The following AIG1 variants were observed in gnomAD, a reference collection of about 807,000 sequenced individuals.
AIG1 encodes the protein androgen-induced gene 1 protein.
Under a neutral mutation model 31.4 loss-of-function variants are expected in AIG1, and 23 were observed. The ratio of observed to expected loss-of-function variants is 0.73; its 90% CI spans 0.53 to 1.04. The LOEUF (loss-of-function observed/expected upper bound fraction) is 1.04, where lower values mean the gene tolerates loss of function less well. Among genes scored for constraint, AIG1 ranks in the 50% least tolerant of loss-of-function variants. The pLI, the probability that AIG1 is intolerant of heterozygous loss-of-function variation, is 0.00. For synonymous variants in AIG1, 100 were observed against 110.5 expected (o/e 0.90, Z 0.60); for missense variants, 274 against 295.0 (o/e 0.93, Z 0.52).
chr6:143,224,805 G>T (rs1792809761), intron 3 of AIG1, among the ~76,000 whole-genome samples: 1 of 151,936 alleles, frequency 6.6e-6, no homozygotes, highest in Non-Finnish European at 1.5e-5. Flanking sequence ...GCTGTCCTCA[G>T]TCCCTGACAT....
At chr6:143,200,570 A>G (rs762899436) in intron 3 of AIG1, among the ~76,000 whole-genome samples, 24 of 152,110 alleles carry the variant, frequency 1.6e-4, no homozygotes, top group Non-Finnish European at 3.2e-4. Context: ...TCTGAATCAG[A>G]ATTCCTTTAC....
chr6:143,232,649 A>G (rs544676790), intron 3 of AIG1, among the ~76,000 whole-genome samples: 2 of 152,262 alleles, frequency 1.3e-5, no homozygotes, highest in East Asian at 3.9e-4. Context: ...AGTAGGTTAC[A>G]TGTTTTTATC....
intron 3 of AIG1, among the ~76,000 whole-genome samples, chr6:143,267,499 A>G (rs1796237716): frequency 6.6e-6 from 1 of 152,174 alleles, no homozygotes; most frequent in Non-Finnish European, 1.5e-5. Flanking sequence ...TGGCCATTAT[A>G]TCTAGTTCAT....
intron 1 of AIG1, among the ~76,000 whole-genome samples, chr6:143,085,805 A>G (rs1242944651): frequency 2.0e-5 from 3 of 152,150 alleles, no homozygotes; most frequent in African/African-American, 2.4e-5. Context: ...TTTTCTCTCA[A>G]TCACCCGGGA....
At chr6:143,187,042 TATA>T (rs1453732849) in intron 3 of AIG1, among the ~76,000 whole-genome samples, 1 of 152,198 alleles carries the variant, frequency 6.6e-6, no homozygotes, top group African/African-American at 2.4e-5. Context: ...CTTATTACCA[TATA>T]ATAACTAGCA....
chr6:143,082,537 G>T (rs1462637562), intron 1 of AIG1, among the ~76,000 whole-genome samples: 2 of 152,214 alleles, frequency 1.3e-5, no homozygotes, highest in African/African-American at 2.4e-5. Flanking sequence ...ACAGCCACAA[G>T]TCCCCTTTAG....
intron 3 of AIG1, among the ~76,000 whole-genome samples, chr6:143,185,885 C>T (rs762098274): frequency 1.3e-5 from 2 of 152,162 alleles, no homozygotes; most frequent in South Asian, 2.1e-4. Flanking sequence ...GAACCTAAGC[C>T]GGTACCTATG....
chr6:143,272,555 G>A (rs920116062), intron 3 of AIG1, among the ~76,000 whole-genome samples: 1 of 152,178 alleles, frequency 6.6e-6, no homozygotes, highest in Admixed American at 6.6e-5. Flanking sequence ...AGAGCTTACT[G>A]TGGCCCCGCC....
chr6:143,166,064 A>G (rs1306255366), intron 3 of AIG1, among the ~76,000 whole-genome samples: 1 of 152,194 alleles, frequency 6.6e-6, no homozygotes, highest in Non-Finnish European at 1.5e-5. Flanking sequence ...TCTTGAGTAC[A>G]AAATAACAGT....
chr6:143,321,574 A>G (rs1441909823), intron 4 of AIG1, among the ~76,000 whole-genome samples: 4 of 152,060 alleles, frequency 2.6e-5, no homozygotes, highest in South Asian at 2.1e-4. Context: ...CTGGGCGACA[A>G]GAGGAAGACT....
At position 143,298,683 on chromosome 6, in the gene AIG1, G is replaced by C. The variant is rs75232941; in HGVS notation, c.515+14458G>C. Reference sequence around the variant, plus strand: ...GGGCTGAGGTGGGAGGATTGCTTGAGCCCAGGAATTTGAGGCTGTAGTATA... The same window carrying C: ...GGGCTGAGGTGGGAGGATTGCTTGACCCCAGGAATTTGAGGCTGTAGTATA... On this transcript the variant is annotated intron_variant, in intron 4 of 5. Transcript: ENST00000357847. The surrounding 1 kb of genome is among the most constrained non-coding windows in gnomAD (Gnocchi z 5.1). The C allele has an allele frequency of 3.3e-5, 5 of 152,448 alleles. No individual in the cohort carries two copies. In the South Asian group the frequency reaches 8.3e-4, roughly 25 times the overall value. The allele number at this position is 152,448 out of a possible 1,614,324, so 9.4% of individuals were successfully genotyped here.
At chr6:143,108,907 A>T (rs1425541095) in intron 1 of AIG1, among the ~76,000 whole-genome samples, 1 of 152,200 alleles carries the variant, frequency 6.6e-6, no homozygotes, top group Non-Finnish European at 1.5e-5. Context: ...TAGGAAACAC[A>T]TCTGTGTAAC....
chr6:143,176,565 G>T lies in AIG1; in HGVS notation c.399+11382G>T, dbSNP rs1788181342. ...GGGGTGTAGTTCCCAGGCCAAGGGG[G>T]TTATGTTCCCGGGGGGGTTATAGCT... On this transcript the variant is annotated intron_variant, in intron 3 of 5. Transcript: ENST00000357847. 2.0e-5 allele frequency among the ~76,000 whole-genome samples: 3 copies of T among 150,808 alleles called. No homozygotes were observed. In the South Asian group the frequency reaches 6.3e-4, roughly 32 times the overall value.
chr6:143,180,269 C>T (rs1347151009), intron 3 of AIG1, among the ~76,000 whole-genome samples: 2 of 152,156 alleles, frequency 1.3e-5, no homozygotes, highest in African/African-American at 4.8e-5. Context: ...TATTGTGAGG[C>T]TGCAGGATGA....
intron 3 of AIG1, among the ~76,000 whole-genome samples, chr6:143,251,689 G>T (rs1160067774): frequency 6.6e-6 from 1 of 152,070 alleles, no homozygotes; most frequent in Non-Finnish European, 1.5e-5. Context: ...AGATTCCTCT[G>T]GCCCCAGATG....
intron 1 of AIG1, among the ~76,000 whole-genome samples, chr6:143,131,849 T>C (rs1425373267): frequency 6.6e-6 from 1 of 152,164 alleles, no homozygotes; most frequent in East Asian, 1.9e-4. Context: ...AGGAGTAATA[T>C]ATTGGTGGTG....
chr6:143,267,452 C>T (rs1179627814), intron 3 of AIG1, among the ~76,000 whole-genome samples: 1 of 152,204 alleles, frequency 6.6e-6, no homozygotes, highest in Non-Finnish European at 1.5e-5. Flanking sequence ...TTATAATCCT[C>T]TACTCATTTG....
rs1219005678 is a variant in AIG1, at chr6:143,280,806, A to G, written c.400-3304A>G. The stretch of plus-strand genomic sequence containing the variant: ...ATACCTGGGTGATGAGATAATACGT[A>G]CAATGAAACCCCATGACGTGTGTTT... On this transcript the variant is annotated intron_variant, in intron 3 of 5. Transcript: ENST00000357847. This position sits in a 1 kb window ranked among gnomAD's most constrained non-coding sequence, Gnocchi z 4.1. Among the ~76,000 whole-genome samples the G allele has an allele frequency of 6.6e-6, 1 of 152,206 alleles. No homozygotes were observed. Among genetic ancestry groups the G allele is most frequent in the Non-Finnish European group, 1.5e-5 (1 of 68,034 alleles).
At position 143,284,292 on chromosome 6, in the gene AIG1, T is replaced by C. The variant is rs3748071; in HGVS notation, c.515+67T>C. 1.8e-4 allele frequency: 205 copies of C among 1,143,942 alleles called. 2 individuals are homozygous for C. The East Asian group carries it at 4.6e-3, about 26-fold the overall frequency. 70.9% of individuals were successfully genotyped at this position (1,143,942 alleles called of 1,614,324 possible). A position where few individuals can be genotyped will look rare whatever the true frequency, so the allele number is the denominator to read the frequency against. ...TTGCACTGCTAAATTTGGGCACATA[T>C]TTCATTATGGATATAATCACTAACA... On this transcript the variant is annotated intron_variant, in intron 4 of 5. Coordinates refer to ENST00000357847, the MANE Select transcript of AIG1 (RefSeq NM_016108.4). The surrounding 1 kb of genome is among the most constrained non-coding windows in gnomAD (Gnocchi z 4.4).
Sources: gnomAD v4.1 joint callset for allele counts (sites outside exome capture counted in the v4.1 genomes callset) on GRCh38, gnomAD v4.1.1 for gene constraint, Gnocchi (gnomAD v3.1) non-coding constraint, MANE v1.5 for transcripts, NCBI Gene and HGNC (gene_info 2026-07-23, HGNC 2026-07-21) for gene names.